Variants in TFG observed in about 807,000 individuals in gnomAD.
The protein encoded by TFG is trafficking from ER to golgi regulator.
A neutral mutation model predicts 51.4 loss-of-function variants in TFG; 22 were observed. The ratio of observed to expected loss-of-function variants is 0.43; its 90% confidence interval spans 0.31 to 0.61. The LOEUF is 0.61. Ranked by LOEUF, TFG falls within the 20% of genes least tolerant of loss-of-function variation. TFG has a pLI of 0.12. For missense variants in TFG, 419 were observed against 487.7 expected, an observed-to-expected ratio of 0.86 and a Z score of 1.33; for synonymous variants, 187 against 165.6, an observed-to-expected ratio of 1.13 and a Z score of -0.99.
In TFG at chr3:100,725,810, A is replaced by G. The variant is rs572126486; in HGVS notation, c.269-2902A>G. On this transcript the variant is annotated intron_variant, in intron 3 of 7. Transcript: ENST00000240851. ...TCTGTCTCAAAAAAAATATAAATACATATTAAGCTTTAACAAAGATGGGTG... is the reference window on the plus strand; with the variant it reads ...TCTGTCTCAAAAAAAATATAAATACGTATTAAGCTTTAACAAAGATGGGTG... Among the ~76,000 whole-genome samples the G allele has an allele frequency of 7.9e-5, 12 of 152,074 alleles. No homozygotes were observed. The South Asian group carries it at 2.3e-3, about 29-fold the overall frequency.
At chr3:100,723,885 A>T (rs566930464) in intron 3 of TFG, among the ~76,000 whole-genome samples, 1 of 152,120 alleles carries the variant, frequency 6.6e-6, no homozygotes, top group Admixed American at 6.5e-5. Context: ...CTGTAAGTCA[A>T]GTCTTCCAGA....
Position 100,709,596 on chromosome 3 carries a change from G to T in TFG, c.-169G>T, listed in dbSNP as rs997018164. 6.6e-6 allele frequency: 1 copy of T among 151,756 alleles called. No individual in the cohort carries two copies. The highest frequency in any genetic ancestry group is 1.5e-5 in the Non-Finnish European group (1 of 67,922). The allele number at this position is 151,756 out of a possible 1,614,324, so 9.4% of individuals were successfully genotyped here. The stretch of plus-strand genomic sequence containing the variant: ...CGCGAGCCTGCGAGCGAGGTGCGGC[G>T]GTCGCGAAGGGCAACCGAGGGGGCC... On this transcript the variant is annotated 5_prime_UTR_variant, in exon 1 of 8. Coordinates refer to ENST00000240851, the MANE Select transcript of TFG (RefSeq NM_006070.6).
chr3:100,714,909 T>G (rs1454983988), intron 2 of TFG, among the ~76,000 whole-genome samples: 1 of 152,254 alleles, frequency 6.6e-6, no homozygotes, highest in Non-Finnish European at 1.5e-5. Flanking sequence ...AGAATTATAG[T>G]AGTAGACTGT....
intron 6 of TFG, among the ~76,000 whole-genome samples, chr3:100,740,831 A>G (rs1418266655): frequency 6.6e-6 from 1 of 152,110 alleles, no homozygotes; most frequent in Non-Finnish European, 1.5e-5. Context: ...TTCTTTTTGA[A>G]AATATACATA....
rs757661070 is a variant in TFG at position 100,748,526 on chromosome 3, C to A, written c.1198C>A (p.Arg400=). ...QGYTQPGPGY[R] ...CTATACCCAACCTGGACCTGGTTAT[C>A]GATAAGGAGGCTCCTCTACACCAAT... Residue 400 remains arginine, a synonymous_variant, in exon 8 of 8, where the codon CGA becomes AGA. Transcript: ENST00000240851. 6.2e-7 allele frequency: 1 copy of A among 1,609,668 alleles called. No homozygotes were observed. Among genetic ancestry groups the A allele is most frequent in the Non-Finnish European group, 8.5e-7 (1 of 1,176,944 alleles).
intron 6 of TFG, chr3:100,744,558 C>T (rs2095129870): frequency 3.7e-6 from 1 of 272,004 alleles, no homozygotes; most frequent in South Asian, 1.4e-4. Flanking sequence ...GGTTGGAAAA[C>T]ATTTGTTTTT....
intron 3 of TFG, among the ~76,000 whole-genome samples, chr3:100,726,620 C>G (rs141995994): frequency 8.7e-4 from 132 of 152,302 alleles, no homozygotes; most frequent in African/African-American, 3.0e-3. Context: ...ATGCAAGGTT[C>G]TTAAAAGTTC....
intron 3 of TFG, among the ~76,000 whole-genome samples, chr3:100,722,353 T>G (rs1229711049): frequency 6.6e-6 from 1 of 152,010 alleles, no homozygotes; most frequent in Non-Finnish European, 1.5e-5. Flanking sequence ...CCAAAGAAAT[T>G]ACAGAGTAAA....
intron 3 of TFG, among the ~76,000 whole-genome samples, chr3:100,725,302 TATTATA>T (rs1271280304): frequency 1.3e-5 from 2 of 152,138 alleles, no homozygotes; most frequent in African/African-American, 2.4e-5. Flanking sequence ...CTAAAATACC[TATTATA>T]ATTATATACA....
At chr3:100,745,000 T>C in intron 7 of TFG, 69 bp downstream of exon 7, 1 of 892,230 alleles carries the variant, frequency 1.1e-6, no homozygotes. Flanking sequence ...TTTAAGTTCT[T>C]AATTCCTTGA....
At chr3:100,736,253 T>A (rs2095105897) in intron 5 of TFG, among the ~76,000 whole-genome samples, 1 of 152,076 alleles carries the variant, frequency 6.6e-6, no homozygotes, top group South Asian at 2.1e-4. Flanking sequence ...AGTGACAATT[T>A]TGGTTCCTGT....
At position 100,742,051 on chromosome 3, in the gene TFG, G is replaced by A. The variant is rs181797193; in HGVS notation, c.722-2782G>A. Among the ~76,000 whole-genome samples the A allele has an allele frequency of 1.2e-4, 19 of 152,238 alleles. No individual in the cohort carries two copies. The East Asian group carries it at 3.3e-3, about 26-fold the overall frequency. On this transcript the variant is annotated intron_variant, in intron 6 of 7. Coordinates refer to ENST00000240851, the MANE Select transcript of TFG (RefSeq NM_006070.6). ...ACATTGCTTACTATAAACAATGTCT[G>A]CATTTTGCTCTCTTCATATATCCTA...
intron 2 of TFG, among the ~76,000 whole-genome samples, chr3:100,716,466 T>C (rs919658836): frequency 1.3e-5 from 2 of 152,330 alleles, no homozygotes; most frequent in East Asian, 1.9e-4. Flanking sequence ...GTTGATTCCA[T>C]ATCTTGACTA....
chr3:100,740,738 A>T (rs375507112), intron 6 of TFG, among the ~76,000 whole-genome samples: 1 of 152,170 alleles, frequency 6.6e-6, no homozygotes, highest in African/African-American at 2.4e-5. Context: ...AATTCCCAGA[A>T]GTCTTACCAT....
At chr3:100,717,922 T>TA (rs947886389) in intron 2 of TFG, among the ~76,000 whole-genome samples, 1 of 152,198 alleles carries the variant, frequency 6.6e-6, no homozygotes, top group African/African-American at 2.4e-5. Context: ...GTCTTTTTTT[T>TA]ATTTTTTATT....
intron 3 of TFG, among the ~76,000 whole-genome samples, chr3:100,721,467 A>G (rs537044567): frequency 3.3e-5 from 5 of 152,270 alleles, no homozygotes; most frequent in South Asian, 2.1e-4. Flanking sequence ...AGAAAAGTCT[A>G]CCTTGATACA....
chr3:100,748,685 C>A lies in TFG; in HGVS notation c.*154C>A. ...TGGTGTTAATTGAAAGTATAATTTG[C>A]TGGAACACAAAGACCAAAATGAAAG... On this transcript the variant is annotated 3_prime_UTR_variant, in exon 8 of 8. Transcript: ENST00000240851. The A allele has an allele frequency of 1.1e-6, 1 of 925,146 alleles. No individual in the cohort carries two copies. The highest frequency in any genetic ancestry group is 1.5e-6 in the Non-Finnish European group (1 of 656,990). The allele number at this position is 925,146 out of a possible 1,614,324, so 57.3% of individuals were successfully genotyped here. A position where few individuals can be genotyped will look rare whatever the true frequency, so the allele number is the denominator to read the frequency against.
At chr3:100,710,074 G>T (rs898220471) in intron 1 of TFG, 1 of 152,294 alleles carries the variant, frequency 6.6e-6, no homozygotes, top group African/African-American at 2.4e-5. Context: ...TGGATTGAGA[G>T]GAGAGGGGCT....
chr3:100,716,916 T>G (rs2095048022), intron 2 of TFG, among the ~76,000 whole-genome samples: 1 of 152,204 alleles, frequency 6.6e-6, no homozygotes, highest in African/African-American at 2.4e-5. Flanking sequence ...GTTGAGATGT[T>G]TGAGTTCCTT....
Sources: gnomAD v4.1 joint callset for allele counts (sites outside exome capture counted in the v4.1 genomes callset) on GRCh38, gnomAD v4.1.1 for gene constraint, MANE v1.5 for transcripts, NCBI Gene and HGNC (gene_info 2026-07-23, HGNC 2026-07-21) for gene names.